Variants in LIPF observed in about 807,000 individuals in gnomAD.
The protein encoded by LIPF is gastric triacylglycerol lipase.
A neutral mutation model predicts 38.0 loss-of-function variants in LIPF; 25 were observed. That is an observed-to-expected ratio of 0.66 (90% confidence interval 0.48 to 0.92). LIPF has a LOEUF of 0.92. Among genes scored for constraint, LIPF ranks in the 40% least tolerant of loss-of-function variants. The pLI, the probability that LIPF is intolerant of heterozygous loss-of-function variation, is 0.00. For missense variants in LIPF, 410 were observed against 469.9 expected (o/e 0.87, Z 1.18); for synonymous variants, 161 against 156.2 (o/e 1.03, Z -0.23).
At position 88,675,648 on chromosome 10, in the gene LIPF, T is replaced by C. The variant is rs145082093; in HGVS notation, c.879T>C (p.His293=). Residue 293 remains histidine, a synonymous_variant, in exon 8 of 10, where the codon CAT becomes CAC. Coordinates refer to ENST00000238983, the MANE Select transcript of LIPF (RefSeq NM_004190.4). ...GAACTTCTGTTCAAAACATGTTCCA[T>C]TGGACCCAGGTATTCTTTTCCAAAT... ...PAGTSVQNMF[H]WTQAVKSGKF... is the part of the protein sequence containing the mutation. 6.5e-6 allele frequency: 10 copies of C among 1,549,622 alleles called. No homozygotes were observed. The highest frequency in any genetic ancestry group is 3.5e-5 in the Admixed American group (2 of 57,946).
At chr10:88,672,662 A>ACTCTCT (rs1281006210) in intron 6 of LIPF, among the ~76,000 whole-genome samples, 104 of 126,110 alleles carry the variant, frequency 8.2e-4, no homozygotes, top group African/African-American at 3.0e-3. Flanking sequence ...ACACACACAC[A>ACTCTCT]CACACACACT....
rs747127932 is a variant in LIPF at position 88,667,694 on chromosome 10, T to C, written c.223+8T>C. ...AAAATTCAGGGAATACAGGTATATA[T>C]AAGCTTCTTTTCTTCCTTCCTTTCT... On this transcript the variant is annotated splice_region_variant and intron_variant, in intron 3 of 9. Coordinates refer to ENST00000238983, the MANE Select transcript of LIPF (RefSeq NM_004190.4). 4 of 1,119,144 alleles carry C rather than the reference T, an allele frequency of 3.6e-6. No individual in the cohort carries two copies. The East Asian group carries it at 7.1e-5, about 20-fold the overall frequency. The allele number at this position is 1,119,144 out of a possible 1,614,324, so 69.3% of individuals were successfully genotyped here.
chr10:88,673,658 C>T lies in LIPF; in HGVS notation c.740C>T (p.Ser247Phe), dbSNP rs1227323035. The T allele has an allele frequency of 6.2e-7, 1 of 1,612,446 alleles. No homozygotes were observed. Among genetic ancestry groups the T allele is most frequent in the East Asian group, 2.2e-5 (1 of 44,850 alleles). Residue 247 changes from serine to phenylalanine, a missense_variant, in exon 7 of 10, where the codon TCC (serine) becomes TTC (phenylalanine). By Grantham distance (155) the Ser-to-Phe change is radical. Transcript: ENST00000238983. ...CAATTTCTTGCTACTGAAGTGTGCT[C>T]CCGTGAGATGCTGAATCTCCTTTGC... ...FDQFLATEVC[S>F]REMLNLLCSN... is the part of the protein sequence containing the mutation.
Position 88,671,912 on chromosome 10 carries a change from T to A in LIPF, c.616T>A (p.Tyr206Asn). Reference protein sequence around the residue: ...YALAPVATVKYTKSLINKLRF... With the variant: ...YALAPVATVKNTKSLINKLRF... ...TCTAGCTCCTGTTGCCACTGTGAAGTATACAAAAAGCCTTATAAACAAACT... is the reference window on the plus strand; with the variant it reads ...TCTAGCTCCTGTTGCCACTGTGAAGAATACAAAAAGCCTTATAAACAAACT... Residue 206 changes from tyrosine (Y) to asparagine (N), a missense_variant, in exon 6 of 10, where the codon TAT (tyrosine) becomes AAT (asparagine). By Grantham distance (143) the Tyr-to-Asn change is moderately radical (BLOSUM62 -2). Transcript: ENST00000238983. 2 of 1,613,530 alleles carry A rather than the reference T, an allele frequency of 1.2e-6. No homozygotes were observed. Among genetic ancestry groups the A allele is most frequent in the Non-Finnish European group, 1.7e-6 (2 of 1,179,604 alleles).
chr10:88,666,090 G>A (rs1389600658), intron 1 of LIPF, among the ~76,000 whole-genome samples: 1 of 152,114 alleles, frequency 6.6e-6, no homozygotes, highest in Non-Finnish European at 1.5e-5. Context: ...TAAACCAGTG[G>A]GCAAACTATT....
In LIPF at chr10:88,667,210, G is replaced by A. The variant is rs969606405; in HGVS notation, c.-11-77G>A. ...CAAGCATTCCTCTACTTAGCACAAA[G>A]GTAAAATTGGCATAAAATATAAGCA... On this transcript the variant is annotated intron_variant, in intron 1 of 9. Transcript: ENST00000238983. 4 of 781,896 alleles carry A rather than the reference G, an allele frequency of 5.1e-6. No individual in the cohort carries two copies. In the African/African-American group the frequency reaches 6.9e-5, roughly 14 times the overall value. The allele number at this position is 781,896 out of a possible 1,614,324, so 48.4% of individuals were successfully genotyped here.
chr10:88,667,320 C>T lies in LIPF; in HGVS notation c.23C>T (p.Ala8Val), dbSNP rs1841526138. The T allele has an allele frequency of 9.9e-6, 16 of 1,612,086 alleles. No individual in the cohort carries two copies. The highest frequency in any genetic ancestry group is 1.3e-5 in the African/African-American group (1 of 74,812). The part of the protein sequence containing the change: MWLLLTM[A>V]SLISVLGTTH... Reference sequence around the variant, plus strand: ...AAAATGTGGCTGCTTTTAACAATGGCAAGTTTGATATCTGTACTGGGGACT... The same window carrying T: ...AAAATGTGGCTGCTTTTAACAATGGTAAGTTTGATATCTGTACTGGGGACT... The change falls in exon 2 of 10, where the codon GCA (alanine) becomes GTA (valine). Residue 8 changes from alanine (A) to valine (V), a missense_variant. Ala to Val is a moderately conservative substitution (Grantham distance 64, BLOSUM62 0). Coordinates refer to ENST00000238983, the MANE Select transcript of LIPF (RefSeq NM_004190.4).
chr10:88,673,022 C>T (rs749796458), intron 6 of LIPF, among the ~76,000 whole-genome samples: 5 of 152,084 alleles, frequency 3.3e-5, no homozygotes, highest in East Asian at 3.9e-4. Context: ...TAGGTATAAT[C>T]GAGCTCTAAT....
chr10:88,668,608 A>G lies in LIPF; in HGVS notation c.274A>G (p.Asn92Asp), dbSNP rs759591413. The change falls in exon 4 of 10, where the codon AAC becomes GAC. Residue 92 changes from asparagine to aspartate, a missense_variant. Transcript: ENST00000238983. ...LQHGLLASAT[N>D]WISNLPNNSL... is the part of the protein sequence containing the mutation. Reference sequence around the variant, plus strand: ...GCATGGTTTGCTTGCATCAGCCACAAACTGGATTTCCAACCTGCCGAACAA... The same window carrying G: ...GCATGGTTTGCTTGCATCAGCCACAGACTGGATTTCCAACCTGCCGAACAA... 3.7e-6 allele frequency: 6 copies of G among 1,614,078 alleles called. No individual in the cohort carries two copies. The highest frequency in any genetic ancestry group is 1.7e-5 in the Admixed American group (1 of 60,008).
chr10:88,674,696 A>G (rs1841659415), intron 7 of LIPF, among the ~76,000 whole-genome samples: 1 of 152,254 alleles, frequency 6.6e-6, no homozygotes. Flanking sequence ...CATATAGAAC[A>G]TTGTACAAAG....
chr10:88,678,382 TAGTA>T, intron 9 of LIPF, 59 bp from the exon 10 acceptor site: 2 of 1,149,678 alleles, frequency 1.7e-6, no homozygotes, highest in Non-Finnish European at 2.6e-6. Flanking sequence ...TCTACTTGAA[TAGTA>T]AGTACTGGGT....
At chr10:88,677,089 A>G (rs1344994053) in intron 9 of LIPF, among the ~76,000 whole-genome samples, 1 of 152,196 alleles carries the variant, frequency 6.6e-6, no homozygotes, top group Non-Finnish European at 1.5e-5. Context: ...CAACTCTACT[A>G]ATTTTCATTT....
intron 5 of LIPF, among the ~76,000 whole-genome samples, chr10:88,670,537 G>T (rs1841579682): frequency 6.6e-6 from 1 of 152,148 alleles, no homozygotes; most frequent in Non-Finnish European, 1.5e-5. Context: ...TGAGTCATGT[G>T]CCTACCTAGT....
intron 7 of LIPF, among the ~76,000 whole-genome samples, chr10:88,674,446 G>C (rs1421832228): frequency 6.6e-6 from 1 of 152,012 alleles, no homozygotes; most frequent in Non-Finnish European, 1.5e-5. Flanking sequence ...GGGATTACAG[G>C]CGTGAGCCAC....
chr10:88,670,607 C>CAA (rs1841580991), intron 5 of LIPF, among the ~76,000 whole-genome samples: 2 of 152,078 alleles, frequency 1.3e-5, no homozygotes, highest in Non-Finnish European at 2.9e-5. Context: ...AGCTGGAGCA[C>CAA]ACCTAGTTTG....
chr10:88,676,396 C>G, intron 9 of LIPF, 116 bp downstream of exon 9: 1 of 665,890 alleles, frequency 1.5e-6, no homozygotes, highest in Non-Finnish European at 2.6e-6. Flanking sequence ...TGTTGATGTT[C>G]TGTCTCTCAT....
chr10:88,669,695 C>T, intron 4 of LIPF, 142 bp from the exon 5 acceptor site: 1 of 546,364 alleles, frequency 1.8e-6, no homozygotes, highest in South Asian at 2.7e-5. Context: ...GGGCACCTGA[C>T]ATCCACTGAT....
chr10:88,668,798 A>T (rs201363806), intron 4 of LIPF, 42 bp downstream of exon 4: 118 of 1,552,024 alleles, frequency 7.6e-5, no homozygotes, highest in Non-Finnish European at 1.0e-4. Context: ...TGGGCTTTAA[A>T]AGCATAGGCA....
At chr10:88,670,066 A>C in intron 5 of LIPF, 120 bp downstream of exon 5, 1 of 675,548 alleles carries the variant, frequency 1.5e-6, no homozygotes, top group Non-Finnish European at 2.7e-6. Context: ...CTCCAACAAC[A>C]CAATGACATA....
Sources: allele counts gnomAD v4.1 joint callset (sites outside exome capture counted in the v4.1 genomes callset), GRCh38; gene constraint gnomAD v4.1.1; transcripts MANE v1.5; gene names NCBI Gene and HGNC (gene_info 2026-07-23, HGNC 2026-07-21).